The following DNER variants were observed in gnomAD, a reference collection of about 807,000 sequenced individuals.
DNER encodes delta and Notch-like epidermal growth factor-related receptor.
DNER carries 33 observed loss-of-function variants against 78.2 expected under a neutral mutation model. That is an observed-to-expected ratio of 0.42 (90% CI 0.32 to 0.56). The LOEUF is 0.56. Among genes scored for constraint, DNER ranks in the 20% least tolerant of loss-of-function variants. The probability of loss-of-function intolerance (pLI) is 0.11; values close to 1 mark genes in which losing one functional copy is unlikely to be tolerated. For missense variants in DNER, 918 were observed against 975.3 expected (o/e 0.94, Z 0.78); for synonymous variants, 417 against 384.8 (o/e 1.08, Z -0.98).
chr2:229,497,610 T>G (rs947730141), intron 6 of DNER, among the ~76,000 whole-genome samples: 2 of 151,300 alleles, frequency 1.3e-5, no homozygotes, highest in African/African-American at 4.9e-5. Flanking sequence ...AGAGGGGATA[T>G]TACAACTGAT....
intron 7 of DNER, among the ~76,000 whole-genome samples, chr2:229,466,150 C>T (rs1394598555): frequency 1.3e-5 from 2 of 152,128 alleles, no homozygotes; most frequent in Non-Finnish European, 2.9e-5. Flanking sequence ...CCTGCTAAAC[C>T]CATTCATGGT....
chr2:229,458,749 A>G (rs1008310070), intron 7 of DNER, among the ~76,000 whole-genome samples: 1 of 151,822 alleles, frequency 6.6e-6, no homozygotes, highest in Admixed American at 6.6e-5. Context: ...TTTACATTCA[A>G]TATTTTACTG....
At chr2:229,573,336 A>G (rs756019921) in intron 4 of DNER, among the ~76,000 whole-genome samples, 9 of 152,236 alleles carry the variant, frequency 5.9e-5, no homozygotes, top group Non-Finnish European at 8.8e-5. Context: ...AGAAAGCAAG[A>G]CAGCATTTTC....
rs531232897 is a variant in DNER at position 229,483,371 on chromosome 2, GT to G, written c.1148-6119del. Reference sequence around the variant, plus strand: ...TATGAGGACGTAGATCAAGCCCATGGTTCTGCCACTTCGTGTCTGGTTTAAG... The same window carrying G: ...TATGAGGACGTAGATCAAGCCCATGGTCTGCCACTTCGTGTCTGGTTTAAG... On this transcript the variant is annotated intron_variant, in intron 6 of 12. Coordinates refer to ENST00000341772, the MANE Select transcript of DNER (RefSeq NM_139072.4). 2.2e-4 allele frequency among the ~76,000 whole-genome samples: 33 copies of G among 152,316 alleles called. No individual in the cohort carries two copies. In the East Asian group the frequency reaches 6.2e-3, roughly 28 times the overall value.
chr2:229,457,777 A>G (rs1473863278), intron 7 of DNER, among the ~76,000 whole-genome samples: 7 of 43,348 alleles, frequency 1.6e-4, no homozygotes, highest in Admixed American at 1.5e-3. Flanking sequence ...CTTTATTTGG[A>G]AAAAAAAAAA....
chr2:229,628,536 A>G (rs1388646409), intron 1 of DNER, among the ~76,000 whole-genome samples: 1 of 152,208 alleles, frequency 6.6e-6, no homozygotes, highest in Admixed American at 6.5e-5. Context: ...TGTCCAAAAG[A>G]TATCTTATAA....
intron 11 of DNER, among the ~76,000 whole-genome samples, chr2:229,387,669 G>C (rs1170468353): frequency 1.3e-5 from 2 of 152,092 alleles, no homozygotes; most frequent in South Asian, 4.2e-4. Context: ...TTGTTTTAAG[G>C]TATAAAATCT....
At chr2:229,566,299 G>C (rs970749062) in intron 4 of DNER, among the ~76,000 whole-genome samples, 9 of 152,278 alleles carry the variant, frequency 5.9e-5, no homozygotes, top group African/African-American at 1.9e-4. Flanking sequence ...ATCCCAAGTT[G>C]AAGTGGTCAA....
At chr2:229,712,505 C>G (rs1181195277) in intron 1 of DNER, among the ~76,000 whole-genome samples, 1 of 152,134 alleles carries the variant, frequency 6.6e-6, no homozygotes, top group Admixed American at 6.5e-5. Context: ...AGGTCCAAAT[C>G]AACTATTTCT....
rs1227905521 is a variant in DNER at position 229,623,748 on chromosome 2, G to A, written c.277-31860C>T. ...TTGTCACCAGCATCAGGTGAGTGGG[G>A]ACCTATGGATATCTGGTCCCACTGC... On this transcript the variant is annotated intron_variant, in intron 1 of 12. Coordinates refer to ENST00000341772, the MANE Select transcript of DNER (RefSeq NM_139072.4). 3.9e-5 allele frequency among the ~76,000 whole-genome samples: 6 copies of A among 152,308 alleles called. No individual in the cohort carries two copies. The East Asian group carries it at 1.2e-3, about 29-fold the overall frequency.
intron 2 of DNER, among the ~76,000 whole-genome samples, chr2:229,590,566 G>A (rs1256628239): frequency 6.6e-6 from 1 of 152,108 alleles, no homozygotes; most frequent in Non-Finnish European, 1.5e-5. Context: ...TTAAGAGGTG[G>A]GGCCTTTGAG....
At chr2:229,457,920 G>A (rs1443330646) in intron 7 of DNER, among the ~76,000 whole-genome samples, 4 of 151,548 alleles carry the variant, frequency 2.6e-5, no homozygotes, top group South Asian at 2.1e-4. Context: ...GGCAGATCAC[G>A]AGGTGAGGAG....
chr2:229,381,975 C>T (rs1692747569), intron 11 of DNER, among the ~76,000 whole-genome samples: 1 of 152,222 alleles, frequency 6.6e-6, no homozygotes, highest in African/African-American at 2.4e-5. Flanking sequence ...GACAGAGAGA[C>T]ACCTCCCAGC....
chr2:229,484,415 T>C (rs912068170), intron 6 of DNER, among the ~76,000 whole-genome samples: 17 of 152,196 alleles, frequency 1.1e-4, no homozygotes, highest in African/African-American at 4.1e-4. Context: ...CAGACTGAGA[T>C]CAGTAGAGCA....
chr2:229,654,210 T>C (rs1232751592), intron 1 of DNER, among the ~76,000 whole-genome samples: 1 of 151,794 alleles, frequency 6.6e-6, no homozygotes, highest in Non-Finnish European at 1.5e-5. Context: ...TGAGAACATA[T>C]GGTGTTTGAT....
intron 12 of DNER, among the ~76,000 whole-genome samples, chr2:229,365,236 T>C (rs1013266854): frequency 6.6e-6 from 1 of 152,130 alleles, no homozygotes; most frequent in Non-Finnish European, 1.5e-5. Context: ...TGAAGGTGAC[T>C]GCAGCTGACT....
At chr2:229,462,152 G>A (rs1694716215) in intron 7 of DNER, among the ~76,000 whole-genome samples, 1 of 152,022 alleles carries the variant, frequency 6.6e-6, no homozygotes, top group Non-Finnish European at 1.5e-5. Context: ...TAAGTAGAAA[G>A]AAATCAATAC....
chr2:229,454,135 G>A (rs1184804224), intron 7 of DNER, among the ~76,000 whole-genome samples: 1 of 152,132 alleles, frequency 6.6e-6, no homozygotes, highest in Non-Finnish European at 1.5e-5. Flanking sequence ...CTCCATCAGT[G>A]TGGCCAGTGA....
intron 7 of DNER, among the ~76,000 whole-genome samples, chr2:229,463,978 G>A (rs565482186): frequency 4.6e-5 from 7 of 152,312 alleles, no homozygotes; most frequent in Non-Finnish European, 8.8e-5. Context: ...ATCAGTGTGC[G>A]TGGCACCAGC....
Sources: allele counts gnomAD v4.1 joint callset (sites outside exome capture counted in the v4.1 genomes callset), GRCh38; gene constraint gnomAD v4.1.1; transcripts MANE v1.5; gene names NCBI Gene and HGNC (gene_info 2026-07-23, HGNC 2026-07-21).